The following POM121 variants were observed in gnomAD, a reference collection of about 807,000 sequenced individuals.
POM121 encodes POM121 transmembrane nucleoporin, also known as nuclear envelope pore membrane protein POM 121.
Under a neutral mutation model 81.3 loss-of-function variants are expected in POM121, and 32 were observed. The observed-to-expected ratio is 0.39, with a 90% CI of 0.30 to 0.53. POM121 has a LOEUF of 0.53. Ranked by LOEUF, POM121 falls within the 20% of genes least tolerant of loss-of-function variation. POM121 has a pLI of 0.66. For missense variants in POM121, 1,138 were observed against 1,614.6 expected (o/e 0.70, Z 5.06); for synonymous variants, 514 against 694.2 (o/e 0.74, Z 4.08).
At chr7:72,880,238 C>T (rs1441104150) in intron 1 of POM121, among the ~76,000 whole-genome samples, 4 of 152,290 alleles carry the variant, frequency 2.6e-5, no homozygotes, top group Middle Eastern at 3.4e-3. Flanking sequence ...TGATCACCCC[C>T]TTATATCTGC....
At chr7:72,880,417 G>C (rs1313494544) in intron 1 of POM121, among the ~76,000 whole-genome samples, 1 of 152,078 alleles carries the variant, frequency 6.6e-6, no homozygotes, top group Non-Finnish European at 1.5e-5. Flanking sequence ...TTCCAGGCCA[G>C]TGTTCTTTCT....
intron 3 of POM121, among the ~76,000 whole-genome samples, chr7:72,894,042 C>T (rs1197546842): frequency 4.6e-5 from 7 of 151,692 alleles, no homozygotes; most frequent in East Asian, 3.9e-4. Context: ...GAGGCTGAGG[C>T]GGGTGGATCA....
rs1795275687 is a variant in POM121, at chr7:72,925,272, G to T, written c.151G>T (p.Ala51Ser). ...TGGCCTCTTACTGTACCTCGTGCCGGCTGCGGCTGCACTGGCCTGGCTGAC... is the reference window on the plus strand; with the variant it reads ...TGGCCTCTTACTGTACCTCGTGCCGTCTGCGGCTGCACTGGCCTGGCTGAC... ...LVGLLLYLVP[A>S]AAALAWLTVG... The change falls in exon 1 of 13, where the codon GCT (alanine) becomes TCT (serine). Residue 51 changes from alanine to serine, a missense_variant. Around this residue, in one of 7 missense-constraint regions of POM121, gnomAD observed 646 missense variants for 633.5 expected, o/e 1.02. Coordinates refer to ENST00000434423, the MANE Select transcript of POM121 (RefSeq NM_001387691.1). 1.3e-6 allele frequency: 2 copies of T among 1,534,614 alleles called. No individual in the cohort carries two copies. The highest frequency in any genetic ancestry group is 2.4e-5 in the East Asian group (1 of 40,874).
At chr7:72,933,683 C>A (rs2129578787) in intron 5 of POM121, among the ~76,000 whole-genome samples, 1 of 152,326 alleles carries the variant, frequency 6.6e-6, no homozygotes, top group East Asian at 1.9e-4. Flanking sequence ...ATAAGAGATA[C>A]ATGCACCCTT....
At position 72,943,048 on chromosome 7, in the gene POM121, C is replaced by A; in HGVS notation, c.3055C>A (p.Pro1019Thr). The change falls in exon 11 of 13, where the codon CCT (proline) becomes ACT (threonine). Residue 1019 changes from proline (P) to threonine (T), a missense_variant. Physicochemically the swap from Pro to Thr is conservative, Grantham distance 38. This residue lies in a region of POM121 where 336 missense variants were observed against 344.3 expected (regional missense o/e 0.98). Coordinates refer to ENST00000434423, the MANE Select transcript of POM121 (RefSeq NM_001387691.1). ...ACCTCCGTCCATGATCAAGGTCGTG[C>A]CTGCGTACGTGCCTACGCCCATCCA... The part of the protein sequence containing the change: ...PAPPSMIKVV[P>T]AYVPTPIHPI... 6.2e-7 allele frequency: 1 copy of A among 1,613,914 alleles called. No individual in the cohort carries two copies. Among genetic ancestry groups the A allele is most frequent in the Non-Finnish European group, 8.5e-7 (1 of 1,179,876 alleles).
chr7:72,918,803 T>A (rs1474915294), intron 4 of POM121, among the ~76,000 whole-genome samples: 5 of 151,932 alleles, frequency 3.3e-5, no homozygotes, highest in Non-Finnish European at 7.4e-5. Flanking sequence ...GCTTGTTTCT[T>A]CCGTGTTTTT....
Position 72,899,489 on chromosome 7 carries a change from G to A in POM121, c.-216+8379G>A, listed in dbSNP as rs1160989244. On this transcript the variant is annotated intron_variant, in intron 3 of 15. Transcript: ENST00000395270. The stretch of plus-strand genomic sequence containing the variant: ...AATGTTAACTGCCATGGGAAATGTC[G>A]GAGACGGGTGTTCCAGATCATGATT... Among the ~76,000 whole-genome samples the A allele has an allele frequency of 3.3e-5, 5 of 152,034 alleles. No individual in the cohort carries two copies. In the East Asian group the frequency reaches 5.8e-4, roughly 18 times the overall value.
intron 3 of POM121, among the ~76,000 whole-genome samples, chr7:72,901,773 G>T (rs1162356166): frequency 1.3e-5 from 2 of 152,006 alleles, no homozygotes; most frequent in Admixed American, 6.6e-5. Context: ...AAGGTGCTGG[G>T]ATTACAGGCA....
intron 1 of POM121, among the ~76,000 whole-genome samples, chr7:72,881,867 G>C (rs1179069951): frequency 6.6e-6 from 1 of 152,136 alleles, no homozygotes; most frequent in Non-Finnish European, 1.5e-5. Context: ...CTGACCTCAG[G>C]TGATCCTCCT....
downstream of POM121, chr7:72,948,469 G>C (rs17145837): frequency 5.5e-3 from 8,927 of 1,613,416 alleles, 100 homozygotes; most frequent in Non-Finnish European, 5.2e-3. Flanking sequence ...AGGAAGGAGT[G>C]AGCCCGGAGC....
At chr7:72,900,408 ATT>A (rs1195278269) in intron 3 of POM121, among the ~76,000 whole-genome samples, 1 of 134,458 alleles carries the variant, frequency 7.4e-6, no homozygotes. Flanking sequence ...GGGATTTCTT[ATT>A]TTTAATTGAT....
intron 1 of POM121, among the ~76,000 whole-genome samples, chr7:72,884,708 T>C (rs1247446102): frequency 6.7e-6 from 1 of 149,664 alleles, no homozygotes; most frequent in African/African-American, 2.4e-5. Context: ...TTCTTAACAT[T>C]TTCCCACATT....
chr7:72,884,740 CGT>C (rs767075023), intron 1 of POM121, among the ~76,000 whole-genome samples: 3 of 118,168 alleles, frequency 2.5e-5, no homozygotes, highest in African/African-American at 6.2e-5. Context: ...TGCCTATATA[CGT>C]GTGTGTATAT....
At chr7:72,897,111 C>CACA (rs1228400863) in intron 3 of POM121, among the ~76,000 whole-genome samples, 2 of 152,038 alleles carry the variant, frequency 1.3e-5, no homozygotes, top group Non-Finnish European at 2.9e-5. Flanking sequence ...GAGATCGTGC[C>CACA]ACTGTACTCC....
chr7:72,886,738 A>T (rs1346189292), intron 1 of POM121, among the ~76,000 whole-genome samples: 1 of 151,944 alleles, frequency 6.6e-6, no homozygotes, highest in Non-Finnish European at 1.5e-5. Flanking sequence ...CTTCCTGCTT[A>T]CATTTTTTTC....
At chr7:72,929,868 T>C in intron 4 of POM121, 72 bp from the exon 5 acceptor site, 2 of 1,477,910 alleles carry the variant, frequency 1.4e-6, no homozygotes, top group Admixed American at 2.2e-5. Flanking sequence ...AAGAAAGATG[T>C]CATGACCGTG....
rs1795495072 is a variant in POM121, at chr7:72,926,810, A to G, written c.869A>G (p.Gln290Arg). The change falls in exon 3 of 13, where the codon CAG becomes CGG. Residue 290 changes from glutamine (Q) to arginine (R), a missense_variant. Physicochemically the swap from Gln to Arg is conservative, Grantham distance 43. This residue lies in a region of POM121 where 646 missense variants were observed against 633.5 expected (regional missense o/e 1.02). Transcript: ENST00000434423. ...CTTGTCTTTCATTGTAGACCAGAGC[A>G]GATAATCAGCTCAACACTGTCCTCA... ...RRFSRSAIPE[Q>R]IISSTLSSPS... 6.2e-7 allele frequency: 1 copy of G among 1,613,770 alleles called. No individual in the cohort carries two copies. Among genetic ancestry groups the G allele is most frequent in the Admixed American group, 1.7e-5 (1 of 59,982 alleles).
At chr7:72,891,792 A>C (rs1197059076) in intron 3 of POM121, among the ~76,000 whole-genome samples, 2 of 152,140 alleles carry the variant, frequency 1.3e-5, no homozygotes, top group Non-Finnish European at 2.9e-5. Context: ...TTTATCTTCC[A>C]GTTTCTTTCC....
chr7:72,883,207 T>A (rs1271174342), intron 1 of POM121, among the ~76,000 whole-genome samples: 2 of 152,092 alleles, frequency 1.3e-5, no homozygotes, highest in Non-Finnish European at 2.9e-5. Flanking sequence ...ACCTCGCTAA[T>A]TTTTTTTGTA....
Sources: gnomAD v4.1 joint callset for allele counts (sites outside exome capture counted in the v4.1 genomes callset) on GRCh38, gnomAD v4.1.1 for gene constraint, gnomAD v4.1.1 regional missense constraint, MANE v1.5 for transcripts, NCBI Gene and HGNC (gene_info 2026-07-23, HGNC 2026-07-21) for gene names.